The following CABP4 variants were observed in gnomAD, a reference collection of about 807,000 sequenced individuals.
CABP4 encodes the protein calcium-binding protein 4.
Under a neutral mutation model 30.7 loss-of-function variants are expected in CABP4, and 30 were observed. The observed-to-expected ratio is 0.98, with a 90% CI of 0.73 to 1.33. The LOEUF (loss-of-function observed/expected upper bound fraction) is 1.33. Ranked by LOEUF, CABP4 falls within the 40% of genes most tolerant of loss-of-function variation. The probability of loss-of-function intolerance (pLI) is 0.00; values close to 1 mark genes in which losing one functional copy is unlikely to be tolerated. For missense variants in CABP4, 424 were observed against 395.5 expected (o/e 1.07, Z -0.61); for synonymous variants, 161 against 159.2 (o/e 1.01, Z -0.08).
chr11:67,455,380 G>T lies in CABP4; in HGVS notation c.-44G>T. The stretch of plus-strand genomic sequence containing the variant: ...GCTTTATGGGTCCTGAAAGCCAAGG[G>T]TGCCCAGGGGTGTGGTGTCTCTGAG... On this transcript the variant is annotated 5_prime_UTR_variant, in exon 1 of 6. Coordinates refer to ENST00000325656, the MANE Select transcript of CABP4 (RefSeq NM_145200.5). 1 of 1,570,126 alleles carries T rather than the reference G, an allele frequency of 6.4e-7. No homozygotes were observed. Among genetic ancestry groups the T allele is most frequent in the Non-Finnish European group, 8.6e-7 (1 of 1,160,464 alleles).
At chr11:67,452,771 A>G (rs370267462), upstream of CABP4, 12 of 1,435,268 alleles carry the variant, frequency 8.4e-6, no homozygotes, top group African/African-American at 1.7e-4. Context: ...TGCCTGGTGA[A>G]TCAATGATGG....
chr11:67,459,861 A>G lies in CABP4; in HGVS notation c.*1202A>G, dbSNP rs1377151198. 3 of 152,258 alleles carry G rather than the reference A, an allele frequency of 2.0e-5. No homozygotes were observed. Among genetic ancestry groups the G allele is most frequent in the Admixed American group, 6.5e-5 (1 of 15,286 alleles). 9.4% of individuals were successfully genotyped at this position (152,258 alleles called of 1,614,324 possible). On this transcript the variant is annotated 3_prime_UTR_variant, in exon 6 of 6. Coordinates refer to ENST00000325656, the MANE Select transcript of CABP4 (RefSeq NM_145200.5). ...AGCTACTCGGAGGTTGAGGCAGGAGAATCGCTTGAGCCCGGGAGGTGGAGC... is the reference window on the plus strand; with the variant it reads ...AGCTACTCGGAGGTTGAGGCAGGAGGATCGCTTGAGCCCGGGAGGTGGAGC...
At chr11:67,454,255 C>T (rs2135166997), upstream of CABP4, among the ~76,000 whole-genome samples, 1 of 152,290 alleles carries the variant, frequency 6.6e-6, no homozygotes, top group South Asian at 2.1e-4. Context: ...GGGAGTTTCC[C>T]TTTGAGGGCG....
upstream of CABP4, chr11:67,452,451 G>C (rs777354030): frequency 5.6e-6 from 9 of 1,612,148 alleles, no homozygotes; most frequent in Middle Eastern, 1.6e-4. Context: ...CCCCCATGCC[G>C]GATCTCTAGG....
chr11:67,458,675 T>C lies in CABP4; in HGVS notation c.*16T>C. 1 of 1,613,880 alleles carries C rather than the reference T, an allele frequency of 6.2e-7. No homozygotes were observed. The highest frequency in any genetic ancestry group is 8.5e-7 in the Non-Finnish European group (1 of 1,180,006). The stretch of plus-strand genomic sequence containing the variant: ...CCGCCACTGAGGCTCCAGGAGGGAA[T>C]ATCTGTTGCCCCTGCGGCCCCAGAC... On this transcript the variant is annotated 3_prime_UTR_variant, in exon 6 of 6. Transcript: ENST00000325656.
Position 67,458,830 on chromosome 11 carries a change from C to T in CABP4, c.*171C>T, listed in dbSNP as rs1864925519. ...ATGTTGGCTTGTTATGTTACCTGCC[C>T]ACCCTCATCCTTACCTCCTCCTACT... On this transcript the variant is annotated 3_prime_UTR_variant, in exon 6 of 6. Transcript: ENST00000325656. 1.3e-6 allele frequency: 1 copy of T among 751,928 alleles called. No individual in the cohort carries two copies. The highest frequency in any genetic ancestry group is 2.1e-5 in the Admixed American group (1 of 48,302). 46.6% of individuals were successfully genotyped at this position (751,928 alleles called of 1,614,324 possible). A position where few individuals can be genotyped will look rare whatever the true frequency, so the allele number is the denominator to read the frequency against.
chr11:67,456,107 C>T, intron 1 of CABP4, 81 bp from the exon 2 acceptor site: 1 of 1,612,212 alleles, frequency 6.2e-7, no homozygotes, highest in Non-Finnish European at 8.5e-7. Flanking sequence ...CCTGCCCAGG[C>T]CAACATGAGC....
chr11:67,453,001 A>ACTTAT (rs561406519), upstream of CABP4: 174 of 345,134 alleles, frequency 5.0e-4, no homozygotes, highest in African/African-American at 3.2e-3. Context: ...CTCAACCCAG[A>ACTTAT]CTTTTCTTTT....
At chr11:67,452,518 G>A (rs138348390), upstream of CABP4, 261 of 1,608,638 alleles carry the variant, frequency 1.6e-4, no homozygotes, top group Non-Finnish European at 2.1e-4. Flanking sequence ...GGCTGAGCAG[G>A]AGCAGCGCCA....
chr11:67,459,015 C>T lies in CABP4; in HGVS notation c.*356C>T, dbSNP rs973429498. The T allele has an allele frequency of 1.5e-5, 6 of 394,144 alleles. No homozygotes were observed. Among genetic ancestry groups the T allele is most frequent in the Admixed American group, 1.1e-4 (3 of 26,492 alleles). The allele number at this position is 394,144 out of a possible 1,614,324, so 24.4% of individuals were successfully genotyped here. A position where few individuals can be genotyped will look rare whatever the true frequency, so the allele number is the denominator to read the frequency against. On this transcript the variant is annotated 3_prime_UTR_variant, in exon 6 of 6. Coordinates refer to ENST00000325656, the MANE Select transcript of CABP4 (RefSeq NM_145200.5). Reference sequence around the variant, plus strand: ...ATGATGAATGGAGAGGATGGCTGGACCCCTTCCACTACTTATGTTTATAAT... The same window carrying T: ...ATGATGAATGGAGAGGATGGCTGGATCCCTTCCACTACTTATGTTTATAAT...
At chr11:67,454,048 C>A (rs191336391), upstream of CABP4, among the ~76,000 whole-genome samples, 2 of 152,172 alleles carry the variant, frequency 1.3e-5, no homozygotes, top group South Asian at 4.1e-4. Flanking sequence ...TCCACCCCAC[C>A]GCGGCCCTCT....
chr11:67,452,475 C>T (rs150873557), upstream of CABP4: 1 of 1,611,820 alleles, frequency 6.2e-7, no homozygotes. Context: ...TGGAAGGCCG[C>T]TGCTGCCAGG....
At chr11:67,456,161 G>A in intron 1 of CABP4, 27 bp from the exon 2 acceptor site, 1 of 1,613,026 alleles carries the variant, frequency 6.2e-7, no homozygotes, top group Non-Finnish European at 8.5e-7. Flanking sequence ...GCTGGCCCTG[G>A]GGACATCCTG....
Position 67,460,525 on chromosome 11 carries a change from A to ACACACACACG in CABP4, c.*1875_*1876insGCACACACAC, listed in dbSNP as rs1864980354. 8.1e-6 allele frequency among the ~76,000 whole-genome samples: 1 copy of ACACACACACG among 123,020 alleles called. No individual in the cohort carries two copies. Among genetic ancestry groups the ACACACACACG allele is most frequent in the African/African-American group, 6.7e-5 (1 of 14,850 alleles). 80.7% of individuals were successfully genotyped at this position (123,020 alleles called of 152,430 possible). ...AAGTATATTTTATATATACACACAC[A>ACACACACACG]CACACACACACACACACAGCCATTG... is the stretch of plus-strand genomic sequence containing the variant. On this transcript the variant is annotated 3_prime_UTR_variant, in exon 6 of 6. Transcript: ENST00000325656.
chr11:67,461,604 G>T lies in CABP4; in HGVS notation c.*2945G>T, dbSNP rs530806797. 6.6e-6 allele frequency: 1 copy of T among 152,290 alleles called. No individual in the cohort carries two copies. The highest frequency in any genetic ancestry group is 2.4e-5 in the African/African-American group (1 of 41,552). 9.4% of individuals were successfully genotyped at this position (152,290 alleles called of 1,614,324 possible). A position where few individuals can be genotyped will look rare whatever the true frequency, so the allele number is the denominator to read the frequency against. ...AAGGGTGGGGAAACTTTCTGTAAAG[G>T]GCTGGAGAATAATTATTTTCAGCTT... On this transcript the variant is annotated 3_prime_UTR_variant, in exon 6 of 6. Coordinates refer to ENST00000325656, the MANE Select transcript of CABP4 (RefSeq NM_145200.5).
At position 67,460,986 on chromosome 11, in the gene CABP4, G is replaced by GAAA. The variant is rs766971670; in HGVS notation, c.*2342_*2344dup. On this transcript the variant is annotated 3_prime_UTR_variant, in exon 6 of 6. Transcript: ENST00000325656. ...GGCTACAGAGCGAGACTCCGTCTCG[G>GAAA]AAAAAAAAAAAAAAAAAGGTCACTG... Among the ~76,000 whole-genome samples the GAAA allele has an allele frequency of 5.0e-5, 4 of 80,140 alleles. No individual in the cohort carries two copies. The highest frequency in any genetic ancestry group is 1.4e-4 in the Admixed American group (1 of 7,154). The allele number at this position is 80,140 out of a possible 152,430, so 52.6% of individuals were successfully genotyped here.
At chr11:67,458,564 G>T in intron 5 of CABP4, 46 bp downstream of exon 5, 1 of 1,614,154 alleles carries the variant, frequency 6.2e-7, no homozygotes, top group Non-Finnish European at 8.5e-7. Flanking sequence ...CAGGGCCTAG[G>T]CTGAGCCCAG....
At chr11:67,457,323 G>A (rs747391481) in intron 3 of CABP4, among the ~76,000 whole-genome samples, 1 of 152,176 alleles carries the variant, frequency 6.6e-6, no homozygotes, top group Admixed American at 6.5e-5. Context: ...GATTTGAACC[G>A]GGCACTATCT....
At position 67,458,462 on chromosome 11, in the gene CABP4, T is replaced by C. The variant is rs199516959; in HGVS notation, c.743T>C (p.Leu248Pro). ...LLGEPLAGPE[L>P]DEMLREVDLN... ...GGGGAGCCGCTGGCGGGTCCTGAGC[T>C]GGACGAGATGCTCCGAGAAGTGGAC... Residue 248 changes from leucine (L) to proline (P), a missense_variant, in exon 5 of 6, where the codon CTG becomes CCG. Physicochemically the swap from Leu to Pro is moderately conservative, Grantham distance 98. Coordinates refer to ENST00000325656, the MANE Select transcript of CABP4 (RefSeq NM_145200.5). The C allele has an allele frequency of 1.1e-5, 18 of 1,613,944 alleles. No individual in the cohort carries two copies. The Admixed American group carries it at 2.5e-4, about 22-fold the overall frequency.
Sources: allele counts gnomAD v4.1 joint callset (sites outside exome capture counted in the v4.1 genomes callset), GRCh38; gene constraint gnomAD v4.1.1; transcripts MANE v1.5; gene names NCBI Gene and HGNC (gene_info 2026-07-23, HGNC 2026-07-21).